MOCS1: variants seen among roughly 807,000 people sequenced by gnomAD.
The protein encoded by MOCS1 is molybdenum cofactor biosynthesis protein 1.
In MOCS1, 39 loss-of-function variants were observed where a neutral mutation model predicts 57.6. The ratio of observed to expected loss-of-function variants is 0.68; its 90% CI spans 0.52 to 0.88. The LOEUF is 0.88. Ranked by LOEUF, MOCS1 falls within the 40% of genes least tolerant of loss-of-function variation. MOCS1 has a pLI of 0.00. For missense variants in MOCS1, 795 were observed against 831.1 expected, an observed-to-expected ratio of 0.96 and a Z score of 0.53; for synonymous variants, 334 against 335.7, an observed-to-expected ratio of 1.00 and a Z score of 0.05.
Position 39,913,020 on chromosome 6 carries a change from G to A in MOCS1, c.758-16C>T, listed in dbSNP as rs543116823. 33 of 1,605,512 alleles carry A rather than the reference G, an allele frequency of 2.1e-5. No individual in the cohort carries two copies. The highest frequency in any genetic ancestry group is 1.3e-4 in the East Asian group (6 of 44,830). On this transcript the variant is annotated splice_polypyrimidine_tract_variant and intron_variant, in intron 6 of 10. Coordinates refer to ENST00000340692, the MANE Select transcript of MOCS1 (RefSeq NM_001358530.2). ...CACTTGTTGCCTGTATTCGGGATGG[G>A]GGAAGGCAAGGGGAGCTTCTGAATC...
chr6:39,912,525 G>T, intron 7 of MOCS1, 151 bp from the exon 8 acceptor site: 1 of 685,426 alleles, frequency 1.5e-6, no homozygotes. Flanking sequence ...GGTGATAGAA[G>T]ACTCTGGTAG....
chr6:39,922,171 T>A lies in MOCS1; in HGVS notation c.418+3507A>T, dbSNP rs186564412. 1.2e-4 allele frequency among the ~76,000 whole-genome samples: 18 copies of A among 152,298 alleles called. No individual in the cohort carries two copies. In the East Asian group the frequency reaches 3.3e-3, roughly 28 times the overall value. On this transcript the variant is annotated intron_variant, in intron 3 of 10. Coordinates refer to ENST00000340692, the MANE Select transcript of MOCS1 (RefSeq NM_001358530.2). ...TGCTGGCCACATGAGGCTACTTAAA[T>A]GAACGAAAAAATCATAAAATACAAA...
chr6:39,922,204 T>A (rs1227177952), intron 3 of MOCS1, among the ~76,000 whole-genome samples: 1 of 152,164 alleles, frequency 6.6e-6, no homozygotes, highest in East Asian at 1.9e-4. Context: ...AAATTCAGTT[T>A]CTCGGTTACA....
chr6:39,927,961 G>C (rs981395084), intron 1 of MOCS1, among the ~76,000 whole-genome samples: 1 of 152,118 alleles, frequency 6.6e-6, no homozygotes, highest in African/African-American at 2.4e-5. Flanking sequence ...GGTCCTTGGA[G>C]AGTACAACCT....
At chr6:39,912,629 C>T (rs957932827) in intron 7 of MOCS1, among the ~76,000 whole-genome samples, 2 of 152,306 alleles carry the variant, frequency 1.3e-5, no homozygotes, top group Admixed American at 6.5e-5. Context: ...GAAAAGTCTG[C>T]GTGGAAGCGG....
intron 3 of MOCS1, among the ~76,000 whole-genome samples, chr6:39,921,628 T>C (rs1767977156): frequency 1.3e-5 from 2 of 152,210 alleles, no homozygotes; most frequent in African/African-American, 4.8e-5. Context: ...GTCATTGGCT[T>C]TCCATTACAT....
At chr6:39,910,944 C>T (rs1160249435) in intron 8 of MOCS1, among the ~76,000 whole-genome samples, 1 of 152,166 alleles carries the variant, frequency 6.6e-6, no homozygotes, top group Non-Finnish European at 1.5e-5. Flanking sequence ...AGCTGCTTCT[C>T]TGCACAGCTC....
At chr6:39,927,030 C>G (rs934838646) in intron 2 of MOCS1, among the ~76,000 whole-genome samples, 12 of 151,762 alleles carry the variant, frequency 7.9e-5, no homozygotes, top group Admixed American at 7.9e-4. Context: ...TACAGGGAAA[C>G]AGGAGGAAGG....
Position 39,904,483 on chromosome 6 carries a change from TA to T in MOCS1, c.*1873del. ...CCCTCCCCACTGCTCCTGCCACCTT[TA>T]GATAAGTTTCTCTAGCTAATTTTGT... On this transcript the variant is annotated 3_prime_UTR_variant, in exon 11 of 11. Coordinates refer to ENST00000340692, the MANE Select transcript of MOCS1 (RefSeq NM_001358530.2). The T allele has an allele frequency of 2.2e-6, 1 of 454,484 alleles. No homozygotes were observed. Among genetic ancestry groups the T allele is most frequent in the South Asian group, 1.6e-5 (1 of 64,482 alleles). 28.2% of individuals were successfully genotyped at this position (454,484 alleles called of 1,614,324 possible). A position where few individuals can be genotyped will look rare whatever the true frequency, so the allele number is the denominator to read the frequency against.
intron 3 of MOCS1, among the ~76,000 whole-genome samples, chr6:39,924,365 AG>A (rs1428228730): frequency 6.6e-6 from 1 of 152,168 alleles, no homozygotes; most frequent in Non-Finnish European, 1.5e-5. Context: ...ACCACGTGTC[AG>A]GCACGGTACT....
At chr6:39,909,458 T>C (rs1360385930) in intron 9 of MOCS1, among the ~76,000 whole-genome samples, 2 of 152,006 alleles carry the variant, frequency 1.3e-5, no homozygotes, top group South Asian at 2.1e-4. Flanking sequence ...ACATGTGCAC[T>C]GCGAGGTCGC....
chr6:39,916,315 G>C, intron 3 of MOCS1, 83 bp from the exon 4 acceptor site: 1 of 1,543,420 alleles, frequency 6.5e-7, no homozygotes, highest in Non-Finnish European at 8.8e-7. Context: ...AAAACTCTTT[G>C]TCCAGACAAG....
chr6:39,913,043 A>T (rs777088661), intron 6 of MOCS1, 39 bp from the exon 7 acceptor site: 1 of 1,580,476 alleles, frequency 6.3e-7, no homozygotes, highest in Non-Finnish European at 8.7e-7. Context: ...GAGCTTCTGA[A>T]TCACAGTTGA....
At position 39,906,375 on chromosome 6, in the gene MOCS1, C is replaced by T. The variant is rs1766935760; in HGVS notation, c.1893G>A (p.Gly631=). 6 of 1,595,706 alleles carry T rather than the reference C, an allele frequency of 3.8e-6. No homozygotes were observed. In the East Asian group the frequency reaches 1.1e-4, roughly 30 times the overall value. Residue 631 remains glycine (G), a synonymous_variant, in exon 11 of 11, where the codon GGG becomes GGA. Coordinates refer to ENST00000340692, the MANE Select transcript of MOCS1 (RefSeq NM_001358530.2). ...GCAGGTGCTAAGCCCGATGGAAGTC[C>T]CCCCGCTGACCACCAGTCTTGCTAA... ...KLISKTGGQR[G]DFHRA
chr6:39,913,775 T>C lies in MOCS1; in HGVS notation c.644A>G (p.Lys215Arg), dbSNP rs887485143. The C allele has an allele frequency of 4.3e-6, 7 of 1,614,012 alleles. No individual in the cohort carries two copies. In the African/African-American group the frequency reaches 8.0e-5, roughly 18 times the overall value. Reference sequence around the variant, plus strand: ...TCTACGGCAGGGGCACGGCCTCACCTTCACAGGGTTGTAGCCCAGCTCGAT... The same window carrying C: ...TCTACGGCAGGGGCACGGCCTCACCCTCACAGGGTTGTAGCCCAGCTCGAT... The part of the protein sequence containing the change: ...KAIELGYNPV[K>R]VNCVVMRGLN... The change falls in exon 5 of 11, where the codon AAG (lysine) becomes AGG (arginine). Residue 215 changes from lysine (K) to arginine (R), a missense_variant and splice_region_variant. This residue lies in a region of MOCS1 where 416 missense variants were observed against 392.4 expected (regional missense o/e 1.06). Transcript: ENST00000340692.
rs1220923207 is a variant in MOCS1 at position 39,906,387 on chromosome 6, A to G, written c.1881T>C (p.Gly627=). 6.3e-7 allele frequency: 1 copy of G among 1,599,094 alleles called. No homozygotes were observed. The highest frequency in any genetic ancestry group is 8.6e-7 in the Non-Finnish European group (1 of 1,169,302). ...LEEIKLISKT[G]GQRGDFHRA Reference sequence around the variant, plus strand: ...CCCGATGGAAGTCCCCCCGCTGACCACCAGTCTTGCTAATGAGCTTGATCT... The same window carrying G: ...CCCGATGGAAGTCCCCCCGCTGACCGCCAGTCTTGCTAATGAGCTTGATCT... The change falls in exon 11 of 11, where the codon GGT becomes GGC. Residue 627 remains glycine, a synonymous_variant. Coordinates refer to ENST00000340692, the MANE Select transcript of MOCS1 (RefSeq NM_001358530.2).
In MOCS1 at chr6:39,904,845, A is replaced by G. The variant is rs1238241662; in HGVS notation, c.*1512T>C. On this transcript the variant is annotated 3_prime_UTR_variant, in exon 11 of 11. Coordinates refer to ENST00000340692, the MANE Select transcript of MOCS1 (RefSeq NM_001358530.2). ...AGAATATATTGTAATACTAAAAAAT[A>G]TTAAATTCATACCATCCCTACCCAG... 1 of 454,120 alleles carries G rather than the reference A, an allele frequency of 2.2e-6. No individual in the cohort carries two copies. Among genetic ancestry groups the G allele is most frequent in the Admixed American group, 2.3e-5 (1 of 42,578 alleles). The allele number at this position is 454,120 out of a possible 1,614,324, so 28.1% of individuals were successfully genotyped here.
chr6:39,913,241 C>A (rs1327162031), intron 6 of MOCS1, 76 bp downstream of exon 6: 3 of 1,287,324 alleles, frequency 2.3e-6, no homozygotes, highest in Non-Finnish European at 3.4e-6. Context: ...CAGCCATACC[C>A]AGTGGGTGAG....
chr6:39,918,600 T>G (rs928085095), intron 3 of MOCS1, among the ~76,000 whole-genome samples: 92 of 152,212 alleles, frequency 6.0e-4, no homozygotes, highest in African/African-American at 2.1e-3. Flanking sequence ...TAAATTATGT[T>G]TTCTCTGGAT....
Sources: allele counts gnomAD v4.1 joint callset (sites outside exome capture counted in the v4.1 genomes callset), GRCh38; gene constraint gnomAD v4.1.1; regional missense constraint gnomAD v4.1.1; transcripts MANE v1.5; gene names NCBI Gene and HGNC (gene_info 2026-07-23, HGNC 2026-07-21).